KIF26A: variants seen among roughly 807,000 people sequenced by gnomAD.
The protein encoded by KIF26A is kinesin family member 26A.
A neutral mutation model predicts 126.0 loss-of-function variants in KIF26A; 74 were observed. That is an observed-to-expected ratio of 0.59 (90% CI 0.49 to 0.71). The LOEUF (loss-of-function observed/expected upper bound fraction) is 0.71. Among genes scored for constraint, KIF26A ranks in the 30% least tolerant of loss-of-function variants. The pLI is 0.00. For missense variants in KIF26A, 2,984 were observed against 2,763.3 expected (o/e 1.08, Z -1.79); for synonymous variants, 1,445 against 1,232.7 (o/e 1.17, Z -3.61).
In KIF26A at chr14:104,175,183, G is replaced by A. The variant is rs1320677117; in HGVS notation, c.2395G>A (p.Ala799Thr). 3.7e-6 allele frequency: 6 copies of A among 1,608,114 alleles called. No individual in the cohort carries two copies. The highest frequency in any genetic ancestry group is 4.2e-6 in the Non-Finnish European group (5 of 1,178,276). ...TVIYVGPGGAALSDRELTDNE... is the reference protein window; with the variant it reads ...TVIYVGPGGATLSDRELTDNE... The stretch of plus-strand genomic sequence containing the variant: ...CATCTACGTGGGGCCCGGTGGGGCG[G>A]CGCTGTCAGACCGGGAGCTCACCGA... The change falls in exon 12 of 15, where the codon GCG (alanine) becomes ACG (threonine). Residue 799 changes from alanine (A) to threonine (T), a missense_variant. By Grantham distance (58) the Ala-to-Thr change is moderately conservative. Transcript: ENST00000423312.
chr14:104,158,144 G>A (rs1377831722), intron 4 of KIF26A, among the ~76,000 whole-genome samples: 1 of 152,224 alleles, frequency 6.6e-6, no homozygotes, highest in African/African-American at 2.4e-5. Context: ...GATGTTGGGG[G>A]GCATCTCATC....
At position 104,175,069 on chromosome 14, in the gene KIF26A, A is replaced by C. The variant is rs2038002101; in HGVS notation, c.2281A>C (p.Thr761Pro). The C allele has an allele frequency of 3.1e-6, 5 of 1,590,026 alleles. No individual in the cohort carries two copies. Residue 761 changes from threonine (T) to proline (P), a missense_variant, in exon 12 of 15, where the codon ACT becomes CCT. Transcript: ENST00000423312. The stretch of plus-strand genomic sequence containing the variant: ...GCACCTGCGGCCCTTCCACCCACGC[A>C]CTGTGGCCCTGGACCCCGACCGCAC... Reference protein sequence around the residue: ...PPHLRPFHPRTVALDPDRTPP... With the variant: ...PPHLRPFHPRPVALDPDRTPP...
chr14:104,143,331 G>C (rs1212929123), intron 2 of KIF26A, among the ~76,000 whole-genome samples: 1 of 152,212 alleles, frequency 6.6e-6, no homozygotes, highest in Non-Finnish European at 1.5e-5. Context: ...CAGGGAATCA[G>C]TTGTCATGGT....
chr14:104,179,283 G>A lies in KIF26A; in HGVS notation c.5364G>A (p.Gln1788=). The A allele has an allele frequency of 6.5e-7, 1 of 1,532,192 alleles. No homozygotes were observed. Among genetic ancestry groups the A allele is most frequent in the Non-Finnish European group, 8.7e-7 (1 of 1,143,494 alleles). The allele number at this position is 1,532,192 out of a possible 1,614,324, so 94.9% of individuals were successfully genotyped here. A position where few individuals can be genotyped will look rare whatever the true frequency, so the allele number is the denominator to read the frequency against. The change falls in exon 14 of 15, where the codon CAG becomes CAA. Residue 1788 remains glutamine, a synonymous_variant. Transcript: ENST00000423312. The part of the protein sequence containing the change: ...STRLRLAERR[Q]QRLREVQAKH... Reference sequence around the variant, plus strand: ...GGCTGCGGCTGGCGGAGCGCAGGCAGCAGCGGCTGCGGGAGGTGCAGGCCA... The same window carrying A: ...GGCTGCGGCTGGCGGAGCGCAGGCAACAGCGGCTGCGGGAGGTGCAGGCCA...
chr14:104,158,285 C>T (rs1190205881), intron 4 of KIF26A, among the ~76,000 whole-genome samples: 2 of 152,232 alleles, frequency 1.3e-5, no homozygotes, highest in African/African-American at 4.8e-5. Context: ...AGTTTCCTCC[C>T]GTCAGCTGGG....
At chr14:104,168,142 G>C (rs550522167) in intron 5 of KIF26A, among the ~76,000 whole-genome samples, 82 of 152,290 alleles carry the variant, frequency 5.4e-4, no homozygotes, top group African/African-American at 1.9e-3. Flanking sequence ...GTCCTGGAGG[G>C]GCCTCCTGGG....
At chr14:104,140,999 C>A (rs546807980) in intron 2 of KIF26A, among the ~76,000 whole-genome samples, 1 of 152,222 alleles carries the variant, frequency 6.6e-6, no homozygotes, top group South Asian at 2.1e-4. Flanking sequence ...AGACCCCATC[C>A]TCCACTGTCT....
At chr14:104,178,487 G>A (rs922344892) in intron 12 of KIF26A, 63 bp from the exon 13 acceptor site, 34 of 1,285,452 alleles carry the variant, frequency 2.6e-5, no homozygotes, top group East Asian at 8.4e-5. Flanking sequence ...CAGCGTCCCC[G>A]CAGGGGCTGT....
intron 5 of KIF26A, among the ~76,000 whole-genome samples, chr14:104,170,634 G>A (rs1007510277): frequency 6.6e-6 from 1 of 152,242 alleles, no homozygotes; most frequent in African/African-American, 2.4e-5. Context: ...AGGAAATGGG[G>A]CCTGTCTCTG....
chr14:104,174,382 G>T, intron 11 of KIF26A, 72 bp downstream of exon 11: 1 of 1,400,976 alleles, frequency 7.1e-7, no homozygotes, highest in Non-Finnish European at 9.4e-7. Context: ...GCCTCTGCTG[G>T]CCTGGTTGGG....
intron 2 of KIF26A, among the ~76,000 whole-genome samples, 171 bp downstream of exon 2, chr14:104,139,459 C>A (rs1047268037): frequency 1.2e-4 from 18 of 152,252 alleles, no homozygotes; most frequent in Admixed American, 5.9e-4. Flanking sequence ...GTCTGTAACA[C>A]CATGTGTGAG....
chr14:104,178,547 CAGGTCTGCA>C lies in KIF26A; in HGVS notation c.5111-2_5117del. ...TCACCCTGTGCCCGGCTCTCCGTTC[CAGGTCTGCA>C]GCGGCGGCGCCTGATTCCCGCCCCA... On this transcript the variant is annotated splice_acceptor_variant and coding_sequence_variant, in exon 13 of 15. Transcript: ENST00000423312. LOFTEE classifies it high-confidence loss of function. 1 of 1,458,760 alleles carries C rather than the reference CAGGTCTGCA, an allele frequency of 6.9e-7. No homozygotes were observed. The highest frequency in any genetic ancestry group is 1.4e-5 in the South Asian group (1 of 71,180). 90.4% of individuals were successfully genotyped at this position (1,458,760 alleles called of 1,614,324 possible). A position where few individuals can be genotyped will look rare whatever the true frequency, so the allele number is the denominator to read the frequency against.
rs995917628 is a variant in KIF26A, at chr14:104,172,583, C to T, written c.1335C>T (p.Val445=). The T allele has an allele frequency of 2.5e-6, 4 of 1,612,522 alleles. No homozygotes were observed. The East Asian group carries it at 6.7e-5, about 27-fold the overall frequency. Residue 445 remains valine (V), a synonymous_variant, in exon 7 of 15, where the codon GTC becomes GTT. Transcript: ENST00000423312. ...VFPQDSEQAE[V]CSGTVADVLQ... is the part of the protein sequence containing the mutation. ...TTCTCTTGCCCCCCTAGGCCGAAGTCTGCTCGGGGACCGTGGCCGACGTGC... is the reference window on the plus strand; with the variant it reads ...TTCTCTTGCCCCCCTAGGCCGAAGTTTGCTCGGGGACCGTGGCCGACGTGC...
Position 104,159,277 on chromosome 14 carries a change from G to A in KIF26A, c.923+1335G>A, listed in dbSNP as rs556962261. On this transcript the variant is annotated intron_variant, in intron 4 of 14. Coordinates refer to ENST00000423312, the MANE Select transcript of KIF26A (RefSeq NM_015656.2). ...TGGGACAGCCCACCCCGTCACAACC[G>A]GCCTAGTCCTGAATTAAAGGGCCTG... is the stretch of plus-strand genomic sequence containing the variant. Among the ~76,000 whole-genome samples, 44 of 152,324 alleles carry A rather than the reference G, an allele frequency of 2.9e-4. No individual in the cohort carries two copies. The South Asian group carries it at 7.5e-3, about 26-fold the overall frequency.
intron 12 of KIF26A, among the ~76,000 whole-genome samples, chr14:104,178,105 C>T (rs375537570): frequency 2.0e-5 from 3 of 152,214 alleles, no homozygotes; most frequent in Non-Finnish European, 4.4e-5. Context: ...GTTTATAAAC[C>T]CCCTGTACTT....
intron 2 of KIF26A, among the ~76,000 whole-genome samples, chr14:104,143,149 G>A (rs1027752495): frequency 3.9e-5 from 6 of 152,196 alleles, no homozygotes; most frequent in African/African-American, 9.7e-5. Context: ...TTTAGCTCCC[G>A]TGCATCTCTT....
In KIF26A at chr14:104,173,105, C is replaced by T. The variant is rs201934446; in HGVS notation, c.1549C>T (p.Arg517Trp). Residue 517 changes from arginine to tryptophan, a missense_variant, in exon 8 of 15, where the codon CGG (arginine) becomes TGG (tryptophan). Coordinates refer to ENST00000423312, the MANE Select transcript of KIF26A (RefSeq NM_015656.2). ...GAGGACGGGCACCCGCTTCTCCGTC[C>T]GGGTCTCAGCCGTGGAGGTGTGCGG... Reference protein sequence around the residue: ...RERTGTRFSVRVSAVEVCGRD... With the variant: ...RERTGTRFSVWVSAVEVCGRD... 8.3e-5 allele frequency: 134 copies of T among 1,606,196 alleles called. No homozygotes were observed. The highest frequency in any genetic ancestry group is 9.4e-5 in the African/African-American group (7 of 74,780).
intron 2 of KIF26A, among the ~76,000 whole-genome samples, chr14:104,142,687 C>T (rs559461767): frequency 3.2e-4 from 48 of 152,332 alleles, no homozygotes; most frequent in South Asian, 1.0e-3. Flanking sequence ...TCTAAGGCCC[C>T]CCTCGCTTCC....
intron 10 of KIF26A, 46 bp from the exon 11 acceptor site, chr14:104,174,102 A>C: frequency 2.7e-6 from 4 of 1,491,428 alleles, no homozygotes; most frequent in Non-Finnish European, 3.6e-6. Context: ...CTGTCCCCGA[A>C]GCTCCCTTCC....
Sources: allele counts gnomAD v4.1 joint callset (sites outside exome capture counted in the v4.1 genomes callset), GRCh38; gene constraint gnomAD v4.1.1; transcripts MANE v1.5; gene names NCBI Gene and HGNC (gene_info 2026-07-23, HGNC 2026-07-21).